CADM2: variants seen among roughly 807,000 people sequenced by gnomAD.
CADM2 encodes immunoglobulin superfamily member 4D.
A neutral mutation model predicts 49.8 loss-of-function variants in CADM2; 12 were observed. That is an observed-to-expected ratio of 0.24 (90% CI 0.15 to 0.39). CADM2 has a LOEUF of 0.39. Among genes scored for constraint, CADM2 ranks in the 10% least tolerant of loss-of-function variants. CADM2 has a pLI of 1.00. For synonymous variants in CADM2, 214 were observed against 175.4 expected, an observed-to-expected ratio of 1.22 and a Z score of -1.74; for missense variants, 378 against 492.3, an observed-to-expected ratio of 0.77 and a Z score of 2.20.
chr3:85,685,120 T>C (rs2066163289), intron 1 of CADM2, among the ~76,000 whole-genome samples: 1 of 152,062 alleles, frequency 6.6e-6, no homozygotes, highest in Non-Finnish European at 1.5e-5. Flanking sequence ...GGCTTGGTGG[T>C]GGGCACCTGT....
chr3:86,051,444 A>G (rs1382421465), intron 8 of CADM2, among the ~76,000 whole-genome samples: 1 of 152,100 alleles, frequency 6.6e-6, no homozygotes, highest in Non-Finnish European at 1.5e-5. Flanking sequence ...GAGCCCTCCA[A>G]ACTTTTTCCA....
At chr3:85,278,483 T>C (rs1462201470) in intron 1 of CADM2, among the ~76,000 whole-genome samples, 1 of 151,508 alleles carries the variant, frequency 6.6e-6, no homozygotes, top group Non-Finnish European at 1.5e-5. Flanking sequence ...TGACACATCA[T>C]TATTTATCAC....
intron 2 of CADM2, among the ~76,000 whole-genome samples, chr3:85,799,834 G>A (rs942424781): frequency 3.9e-5 from 6 of 152,202 alleles, no homozygotes; most frequent in African/African-American, 1.4e-4. Flanking sequence ...ACTGCTGGGA[G>A]GTGTCTCCAC....
chr3:85,476,540 A>G lies in CADM2; in HGVS notation c.62-249982A>G, dbSNP rs140076029. 4.3e-3 allele frequency among the ~76,000 whole-genome samples: 656 copies of G among 151,922 alleles called. 3 individuals carry two copies. The highest frequency in any genetic ancestry group is 0.017 in the Middle Eastern group (5 of 294). On this transcript the variant is annotated intron_variant, in intron 1 of 9. Coordinates refer to ENST00000383699, the MANE Select transcript of CADM2 (RefSeq NM_001167675.2). ...TTTGTTTCTAATTCACTCTTTTATG[A>G]GTTTTTTCATGTCTTGTGCACATTA...
intron 1 of CADM2, among the ~76,000 whole-genome samples, chr3:85,107,423 G>A (rs1286371530): frequency 1.3e-5 from 2 of 152,004 alleles, no homozygotes; most frequent in Non-Finnish European, 2.9e-5. Context: ...CGCAACATTA[G>A]GATGGCTATT....
intron 1 of CADM2, among the ~76,000 whole-genome samples, chr3:85,402,876 T>G (rs1326231126): frequency 6.6e-6 from 1 of 152,158 alleles, no homozygotes; most frequent in Non-Finnish European, 1.5e-5. Flanking sequence ...CTGGAAAGAC[T>G]AGTAAATCAT....
At chr3:85,359,285 C>T (rs1357430817) in intron 1 of CADM2, among the ~76,000 whole-genome samples, 1 of 152,024 alleles carries the variant, frequency 6.6e-6, no homozygotes, top group Non-Finnish European at 1.5e-5. Flanking sequence ...AATACTTGAA[C>T]AAGCATTTTC....
intron 9 of CADM2, 95 bp downstream of exon 9, chr3:86,065,825 C>T (rs1047333328): frequency 8.1e-7 from 1 of 1,232,672 alleles, no homozygotes; most frequent in Admixed American, 2.4e-5. Flanking sequence ...TGTTTCTGTA[C>T]ATGTGTAGAA....
At chr3:85,183,593 C>T (rs991778058) in intron 1 of CADM2, among the ~76,000 whole-genome samples, 8 of 152,090 alleles carry the variant, frequency 5.3e-5, no homozygotes, top group Non-Finnish European at 5.9e-5. Flanking sequence ...GCTGAGACAG[C>T]TATTTGATTT....
chr3:86,010,449 A>G (rs1439761916), intron 8 of CADM2, among the ~76,000 whole-genome samples: 1 of 151,586 alleles, frequency 6.6e-6, no homozygotes, highest in African/African-American at 2.4e-5. Context: ...TCCTATAATG[A>G]TAATAGAAGA....
At chr3:85,277,055 A>T (rs1256559206) in intron 1 of CADM2, among the ~76,000 whole-genome samples, 1 of 151,470 alleles carries the variant, frequency 6.6e-6, no homozygotes, top group Non-Finnish European at 1.5e-5. Context: ...AGTTTGAAAA[A>T]GAAAAATGAT....
chr3:85,510,639 T>C (rs2040573209), intron 1 of CADM2, among the ~76,000 whole-genome samples: 1 of 152,100 alleles, frequency 6.6e-6, no homozygotes, highest in South Asian at 2.1e-4. Context: ...AATATACCTA[T>C]GTATTCAATA....
At chr3:85,335,482 T>G (rs1193989897) in intron 1 of CADM2, among the ~76,000 whole-genome samples, 1 of 151,552 alleles carries the variant, frequency 6.6e-6, no homozygotes, top group Non-Finnish European at 1.5e-5. Flanking sequence ...CAGTGTTATG[T>G]GTCAATACAC....
At chr3:84,991,916 G>C (rs1316370069) in intron 1 of CADM2, among the ~76,000 whole-genome samples, 1 of 152,158 alleles carries the variant, frequency 6.6e-6, no homozygotes, top group African/African-American at 2.4e-5. Context: ...CACATTGCTT[G>C]AGTCCAACTA....
chr3:85,288,623 T>C (rs536972265), intron 1 of CADM2, among the ~76,000 whole-genome samples: 1 of 152,018 alleles, frequency 6.6e-6, no homozygotes, highest in African/African-American at 2.4e-5. Context: ...GGTAGGAAAA[T>C]GGGAGTTGGC....
At chr3:85,614,379 CAT>C (rs529464200) in intron 1 of CADM2, among the ~76,000 whole-genome samples, 2 of 151,262 alleles carry the variant, frequency 1.3e-5, no homozygotes, top group Non-Finnish European at 3.0e-5. Flanking sequence ...TATATATACA[CAT>C]ATATATACTA....
chr3:85,806,704 C>T (rs1577354882), intron 3 of CADM2, among the ~76,000 whole-genome samples: 3 of 152,070 alleles, frequency 2.0e-5, no homozygotes, highest in African/African-American at 4.8e-5. Flanking sequence ...TACTGCACTC[C>T]AGCCTGGGTG....
At chr3:86,038,712 C>T (rs1735473414) in intron 8 of CADM2, among the ~76,000 whole-genome samples, 1 of 152,152 alleles carries the variant, frequency 6.6e-6, no homozygotes, top group Non-Finnish European at 1.5e-5. Context: ...TAAGTAAATT[C>T]AATTCACATA....
intron 2 of CADM2, among the ~76,000 whole-genome samples, chr3:85,743,392 T>C (rs2107833040): frequency 6.6e-6 from 1 of 152,332 alleles, no homozygotes. Flanking sequence ...ATAAGGCAGA[T>C]GATCTATACC....
Sources: gnomAD v4.1 joint callset for allele counts (sites outside exome capture counted in the v4.1 genomes callset) on GRCh38, gnomAD v4.1.1 for gene constraint, MANE v1.5 for transcripts, NCBI Gene and HGNC (gene_info 2026-07-23, HGNC 2026-07-21) for gene names.